Variants in ZMAT4 observed in about 807,000 individuals in gnomAD.
The protein encoded by ZMAT4 is zinc finger matrin-type 4.
Under a neutral mutation model 28.7 loss-of-function variants are expected in ZMAT4, and 17 were observed. That is an observed-to-expected ratio of 0.59 (90% confidence interval 0.41 to 0.89). The LOEUF (loss-of-function observed/expected upper bound fraction) is 0.89. Ranked by LOEUF, ZMAT4 falls within the 40% of genes least tolerant of loss-of-function variation. The pLI, the probability that ZMAT4 is intolerant of heterozygous loss-of-function variation, is 0.00. For missense variants in ZMAT4, 240 were observed against 283.8 expected, an observed-to-expected ratio of 0.85 and a Z score of 1.11; for synonymous variants, 117 against 109.2, an observed-to-expected ratio of 1.07 and a Z score of -0.44.
intron 2 of ZMAT4, 79 bp from the exon 3 acceptor site, chr8:40,767,809 AT>A: frequency 7.0e-6 from 8 of 1,144,574 alleles, no homozygotes; most frequent in African/African-American, 1.6e-5. Context: ...GTGCCCGCAA[AT>A]GCAAAAAGAA....
At chr8:40,741,750 G>A (rs1323039099) in intron 3 of ZMAT4, among the ~76,000 whole-genome samples, 8 of 152,046 alleles carry the variant, frequency 5.3e-5, no homozygotes, top group African/African-American at 7.2e-5. Flanking sequence ...GACAAGTGTC[G>A]GACTGTCTCT....
intron 1 of ZMAT4, among the ~76,000 whole-genome samples, chr8:40,859,096 C>T (rs1052926892): frequency 2.6e-5 from 4 of 152,174 alleles, no homozygotes; most frequent in South Asian, 2.1e-4. Flanking sequence ...GGGCTGCTGG[C>T]GCCTGCCTTT....
intron 2 of ZMAT4, chr8:40,808,668 G>A: frequency 2.7e-6 from 1 of 366,316 alleles, no homozygotes; most frequent in East Asian, 8.9e-5. Context: ...ACTCAGGGGA[G>A]GTAACAAGAA....
chr8:40,804,829 A>C (rs1211411096), intron 2 of ZMAT4, among the ~76,000 whole-genome samples: 1 of 152,162 alleles, frequency 6.6e-6, no homozygotes, highest in East Asian at 1.9e-4. Flanking sequence ...TGACAGAGTG[A>C]GACTCTGTCT....
chr8:40,868,586 C>T (rs916284702), intron 1 of ZMAT4, among the ~76,000 whole-genome samples: 3 of 152,276 alleles, frequency 2.0e-5, no homozygotes, highest in Non-Finnish European at 2.9e-5. Flanking sequence ...TACAAGAAAA[C>T]AATAGGAAAG....
At chr8:40,725,192 A>G in intron 3 of ZMAT4, among the ~76,000 whole-genome samples, 1 of 144,782 alleles carries the variant, frequency 6.9e-6, no homozygotes, top group Non-Finnish European at 1.5e-5. Context: ...CTGCTAAGTC[A>G]TCTGGCATCA....
At chr8:40,773,630 A>C (rs1813477289) in intron 2 of ZMAT4, among the ~76,000 whole-genome samples, 1 of 152,212 alleles carries the variant, frequency 6.6e-6, no homozygotes, top group Non-Finnish European at 1.5e-5. Context: ...CTTTTTTGTC[A>C]TTTAATTCAA....
At position 40,601,563 on chromosome 8, in the gene ZMAT4, GAAGAAAGA is replaced by G. The variant is rs1339134333; in HGVS notation, c.578-20310_578-20303del. ...GAAGGGGGAGTGAGAAAGAAAGAAA[GAAGAAAGA>G]AAGAAAGAAAGAAAGAAAGAAAGAA... On this transcript the variant is annotated intron_variant, in intron 5 of 6. Transcript: ENST00000297737. Among the ~76,000 whole-genome samples the G allele has an allele frequency of 2.8e-4, 33 of 118,594 alleles. 1 individual carries two copies. The highest frequency in any genetic ancestry group is 9.6e-4 in the African/African-American group (29 of 30,200). 77.8% of individuals were successfully genotyped at this position (118,594 alleles called of 152,430 possible). A position where few individuals can be genotyped will look rare whatever the true frequency, so the allele number is the denominator to read the frequency against.
intron 5 of ZMAT4, among the ~76,000 whole-genome samples, chr8:40,649,266 G>A (rs1043504587): frequency 2.6e-5 from 4 of 151,988 alleles, no homozygotes; most frequent in African/African-American, 9.7e-5. Flanking sequence ...AAAGGCAGGG[G>A]TTGCAATCCT....
chr8:40,592,834 C>T (rs1251487935), intron 5 of ZMAT4, among the ~76,000 whole-genome samples: 1 of 152,204 alleles, frequency 6.6e-6, no homozygotes, highest in East Asian at 1.9e-4. Flanking sequence ...AGCAAATCAT[C>T]TTCAGACAAC....
intron 2 of ZMAT4, among the ~76,000 whole-genome samples, chr8:40,813,685 G>A (rs941290027): frequency 2.0e-5 from 3 of 152,204 alleles, no homozygotes; most frequent in African/African-American, 7.2e-5. Context: ...TATTACCTAG[G>A]GCCAAACCTG....
At chr8:40,840,518 C>G (rs1228193518) in intron 1 of ZMAT4, among the ~76,000 whole-genome samples, 1 of 152,164 alleles carries the variant, frequency 6.6e-6, no homozygotes, top group Non-Finnish European at 1.5e-5. Context: ...GGCATTTCTT[C>G]TCACTCACCT....
intron 3 of ZMAT4, among the ~76,000 whole-genome samples, chr8:40,713,861 A>T (rs1810729268): frequency 6.7e-6 from 1 of 149,656 alleles, no homozygotes; most frequent in African/African-American, 2.5e-5. Flanking sequence ...GTGAGCCAAG[A>T]TCCCACCACT....
At chr8:40,741,021 C>T (rs1043827889) in intron 3 of ZMAT4, among the ~76,000 whole-genome samples, 59 of 151,134 alleles carry the variant, frequency 3.9e-4, no homozygotes, top group African/African-American at 1.3e-3. Flanking sequence ...CACACACACA[C>T]GCACACACAG....
chr8:40,608,200 G>A (rs542430986), intron 5 of ZMAT4, among the ~76,000 whole-genome samples: 1 of 152,248 alleles, frequency 6.6e-6, no homozygotes, highest in African/African-American at 2.4e-5. Flanking sequence ...TCAGATGGGG[G>A]CAGGATTAGG....
intron 2 of ZMAT4, among the ~76,000 whole-genome samples, chr8:40,820,226 ATGTG>A: frequency 8.4e-6 from 1 of 118,706 alleles, no homozygotes; most frequent in Non-Finnish European, 1.8e-5. Flanking sequence ...GCATTTGTGT[ATGTG>A]TGTGTACGTG....
At chr8:40,846,620 C>T (rs1816909488) in intron 1 of ZMAT4, among the ~76,000 whole-genome samples, 1 of 152,204 alleles carries the variant, frequency 6.6e-6, no homozygotes, top group Non-Finnish European at 1.5e-5. Flanking sequence ...TCCCCCTTGG[C>T]GTCCCCGTTT....
chr8:40,630,807 G>A (rs1381293162), intron 5 of ZMAT4, among the ~76,000 whole-genome samples: 1 of 152,064 alleles, frequency 6.6e-6, no homozygotes. Flanking sequence ...GGTGGTACTG[G>A]ACAACAGAAA....
At chr8:40,855,118 T>C (rs1381640884) in intron 1 of ZMAT4, among the ~76,000 whole-genome samples, 2 of 152,210 alleles carry the variant, frequency 1.3e-5, no homozygotes, top group Admixed American at 1.3e-4. Flanking sequence ...CCCCGCTGTT[T>C]GTGTTCATTT....
Sources: gnomAD v4.1 joint callset for allele counts (sites outside exome capture counted in the v4.1 genomes callset) on GRCh38, gnomAD v4.1.1 for gene constraint, MANE v1.5 for transcripts, NCBI Gene and HGNC (gene_info 2026-07-23, HGNC 2026-07-21) for gene names.